Variants in SMIM35 observed in about 807,000 individuals in gnomAD.
SMIM35 encodes small integral membrane protein 35.
At chr11:118,070,187 C>CT (rs1003447970) in intron 1 of SMIM35, among the ~76,000 whole-genome samples, 10 of 151,514 alleles carry the variant, frequency 6.6e-5, no homozygotes, top group South Asian at 4.2e-4. Context: ...TTTTCCTTTT[C>CT]TTTTTTTTGA....
chr11:118,031,791 T>C (rs980873483), intron 1 of SMIM35: 2 of 151,716 alleles, frequency 1.3e-5, no homozygotes, highest in African/African-American at 4.8e-5. Context: ...GTGAGCTTCA[T>C]CAGTAATGAG....
At chr11:118,068,318 C>G (rs1455349031) in intron 1 of SMIM35, among the ~76,000 whole-genome samples, 2 of 152,058 alleles carry the variant, frequency 1.3e-5, no homozygotes, top group African/African-American at 4.8e-5. Context: ...CCAAATGCTC[C>G]CTCCTCGGGG....
intron 1 of SMIM35, among the ~76,000 whole-genome samples, chr11:118,045,095 A>G (rs1309897478): frequency 1.3e-5 from 2 of 152,118 alleles, no homozygotes; most frequent in African/African-American, 4.8e-5. Flanking sequence ...TGTGGAGATG[A>G]TATTGCCCAA....
intron 1 of SMIM35, among the ~76,000 whole-genome samples, chr11:118,076,159 C>G (rs1198126956): frequency 1.3e-5 from 2 of 152,218 alleles, no homozygotes; most frequent in Non-Finnish European, 2.9e-5. Flanking sequence ...ATCCCAGCAG[C>G]TACTTGGGAG....
At chr11:118,085,229 T>C (rs73010765) in intron 1 of SMIM35, among the ~76,000 whole-genome samples, 2 of 132,024 alleles carry the variant, frequency 1.5e-5, no homozygotes, top group Admixed American at 1.5e-4. Context: ...TCTTCTTCTT[T>C]TTTTTTTTTT....
intron 1 of SMIM35, among the ~76,000 whole-genome samples, chr11:118,069,297 G>A (rs576132841): frequency 1.9e-4 from 29 of 152,230 alleles, no homozygotes; most frequent in African/African-American, 6.7e-4. Flanking sequence ...AATAATATTC[G>A]TCTTCCTTTT....
intron 1 of SMIM35, among the ~76,000 whole-genome samples, chr11:118,072,483 G>A (rs1037642023): frequency 1.3e-5 from 2 of 152,040 alleles, no homozygotes; most frequent in Admixed American, 6.5e-5. Context: ...GCTAGACTCC[G>A]TCCTCAAAAA....
At chr11:118,027,273 C>T (rs949289116) in intron 1 of SMIM35, among the ~76,000 whole-genome samples, 3 of 150,504 alleles carry the variant, frequency 2.0e-5, no homozygotes, top group East Asian at 2.0e-4. Context: ...ATGATCCACC[C>T]GCCTCGGCCT....
chr11:118,007,685 T>C (rs1244945044), intron 4 of SMIM35, among the ~76,000 whole-genome samples: 2 of 152,012 alleles, frequency 1.3e-5, no homozygotes, highest in Admixed American at 6.5e-5. Context: ...TGAGCCACTG[T>C]GCCCGGCCGA....
At chr11:118,067,901 A>G (rs1435351220) in intron 1 of SMIM35, among the ~76,000 whole-genome samples, 1 of 113,378 alleles carries the variant, frequency 8.8e-6, no homozygotes, top group Non-Finnish European at 1.9e-5. Context: ...ATATATATAT[A>G]TATATGAAAA....
Position 118,036,780 on chromosome 11 carries a change from TC to T in SMIM35, c.8-20972del, listed in dbSNP as rs200518384. Among the ~76,000 whole-genome samples, 185 of 151,330 alleles carry T rather than the reference TC, an allele frequency of 1.2e-3. 1 individual carries two copies. The highest frequency in any genetic ancestry group is 4.2e-3 in the African/African-American group (171 of 40,632). The stretch of plus-strand genomic sequence containing the variant: ...CCTCTGCTCCTTTTTTTCTTTTTTT[TC>T]TTTTTGCAATTGCAAGATTTAATAG... On this transcript the variant is annotated intron_variant, in intron 1 of 4. Coordinates refer to ENST00000689828, the MANE Select transcript of SMIM35 (RefSeq NM_001394165.1).
intron 1 of SMIM35, among the ~76,000 whole-genome samples, chr11:118,069,038 T>C (rs1368041357): frequency 1.3e-5 from 2 of 152,204 alleles, no homozygotes; most frequent in African/African-American, 2.4e-5. Context: ...ATCACCCTAA[T>C]GGAAAACTGA....
At chr11:118,011,862 G>A (rs754671293) in intron 4 of SMIM35, among the ~76,000 whole-genome samples, 1 of 152,128 alleles carries the variant, frequency 6.6e-6, no homozygotes, top group Admixed American at 6.6e-5. Context: ...CCACTAAGGG[G>A]CCTTCCTCAC....
chr11:118,052,322 A>T (rs1490692401), intron 1 of SMIM35, among the ~76,000 whole-genome samples: 1 of 151,542 alleles, frequency 6.6e-6, no homozygotes, highest in African/African-American at 2.4e-5. Flanking sequence ...CAGGAGTGAG[A>T]GGGAAGTGGG....
intron 1 of SMIM35, among the ~76,000 whole-genome samples, chr11:118,044,549 C>T (rs1019397519): frequency 2.0e-5 from 3 of 151,868 alleles, no homozygotes; most frequent in African/African-American, 7.3e-5. Context: ...GCCTGTAATC[C>T]CAGCATTTTG....
At chr11:118,028,849 G>A (rs2058294777) in intron 1 of SMIM35, 2 of 451,554 alleles carry the variant, frequency 4.4e-6, no homozygotes, top group Non-Finnish European at 8.9e-6. Context: ...AGAAGAAAAA[G>A]GAGGAGGAAG....
At chr11:118,083,100 C>T (rs1945281867) in intron 1 of SMIM35, among the ~76,000 whole-genome samples, 2 of 152,284 alleles carry the variant, frequency 1.3e-5, no homozygotes, top group Middle Eastern at 3.4e-3. Context: ...CAGGGGTGCT[C>T]AGAGCCCTTA....
chr11:118,028,883 A>C (rs1214196622), intron 1 of SMIM35: 2 of 443,088 alleles, frequency 4.5e-6, no homozygotes, highest in Non-Finnish European at 9.1e-6. Context: ...TTGGGGGAGA[A>C]GAAGGAGGAG....
At chr11:118,042,593 C>A (rs1297380982) in intron 1 of SMIM35, among the ~76,000 whole-genome samples, 1 of 152,166 alleles carries the variant, frequency 6.6e-6, no homozygotes, top group Non-Finnish European at 1.5e-5. Context: ...CTAAACACTT[C>A]CCAACTCATT....
Sources: gnomAD v4.1 joint callset for allele counts (sites outside exome capture counted in the v4.1 genomes callset) on GRCh38, gnomAD v4.1.1 for gene constraint, MANE v1.5 for transcripts, NCBI Gene and HGNC (gene_info 2026-07-23, HGNC 2026-07-21) for gene names.